The following FLG variants were observed in gnomAD, a reference collection of about 807,000 sequenced individuals.
The protein encoded by FLG is epidermal filaggrin.
A neutral mutation model predicts 3.8 loss-of-function variants in FLG; 6 were observed. That is an observed-to-expected ratio of 1.60 (90% CI 0.87 to 3.15). The LOEUF (loss-of-function observed/expected upper bound fraction) is 3.15. FLG is among the 30% of genes most tolerant of loss of function. The pLI, the probability that FLG is intolerant of heterozygous loss-of-function variation, is 0.00. For synonymous variants in FLG, 2,551 were observed against 1,931.6 expected (o/e 1.32, Z -8.41); for missense variants, 7,595 against 5,050.9 (o/e 1.50, Z -15.27).
In FLG at chr1:152,315,541, A is replaced by G. The variant is rs373513224; in HGVS notation, c.-21-64T>C. 14 of 1,282,818 alleles carry G rather than the reference A, an allele frequency of 1.1e-5. No homozygotes were observed. In the African/African-American group the frequency reaches 1.2e-4, roughly 11 times the overall value. 79.5% of individuals were successfully genotyped at this position (1,282,818 alleles called of 1,614,324 possible). On this transcript the variant is annotated intron_variant, in intron 1 of 2. Transcript: ENST00000368799. The stretch of plus-strand genomic sequence containing the variant: ...TTTTTTTCTAGGTTATATTATTACA[A>G]TCATTTTCCACATTTTAAACCTACA...
chr1:152,318,980 G>A (rs906269784), intron 1 of FLG, among the ~76,000 whole-genome samples: 13 of 151,696 alleles, frequency 8.6e-5, no homozygotes, highest in Non-Finnish European at 1.5e-4. Context: ...TAAGAAGGAA[G>A]TAGCCTTGTT....
In FLG at chr1:152,312,197, G is replaced by A. The variant is rs76586335; in HGVS notation, c.2689C>T (p.Arg897Cys). 2.4e-3 allele frequency: 3,850 copies of A among 1,613,424 alleles called. 55 individuals carry two copies. In the African/African-American group the frequency reaches 0.04, roughly 17 times the overall value. Residue 897 changes from arginine to cysteine, a missense_variant, in exon 3 of 3, where the codon CGT becomes TGT. Physicochemically the swap from Arg to Cys is radical, Grantham distance 180 (BLOSUM62 -3). Coordinates refer to ENST00000368799, the MANE Select transcript of FLG (RefSeq NM_002016.2). The part of the protein sequence containing the change: ...SGSRSASRTT[R>C]NEEQSRDGSR... The stretch of plus-strand genomic sequence containing the variant: ...CCGTCTCTTGATTGTTCCTCATTAC[G>A]TGTTGTTCTGCTTGCACTTCTGGAT...
rs200198610 is a variant in FLG, at chr1:152,312,448, C to G, written c.2438G>C (p.Ser813Thr). The G allele has an allele frequency of 1.5e-5, 25 of 1,613,580 alleles. No homozygotes were observed. Among genetic ancestry groups the G allele is most frequent in the Admixed American group, 5.0e-5 (3 of 59,972 alleles). Residue 813 changes from serine (S) to threonine (T), a missense_variant, in exon 3 of 3, where the codon AGC becomes ACC. Physicochemically the swap from Ser to Thr is moderately conservative, Grantham distance 58 (BLOSUM62 1). Transcript: ENST00000368799. ...GTGGGATCCTTGTCTTACTCCAGTG[C>G]TGGGCCCTGTCCATCCATGGGAGGA... Reference protein sequence around the residue: ...SESSHGWTGPSTGVRQGSHHE... With the variant: ...SESSHGWTGPTTGVRQGSHHE...
At chr1:152,317,703 C>G (rs1652833117) in intron 1 of FLG, among the ~76,000 whole-genome samples, 1 of 152,080 alleles carries the variant, frequency 6.6e-6, no homozygotes, top group Admixed American at 6.6e-5. Context: ...TGGCAACTCA[C>G]AAGTTTATAC....
chr1:152,311,346 G>A lies in FLG; in HGVS notation c.3540C>T (p.His1180=), dbSNP rs780762559. 141 of 1,613,738 alleles carry A rather than the reference G, an allele frequency of 8.7e-5. 1 individual carries two copies. The Admixed American group carries it at 1.9e-3, about 22-fold the overall frequency. The part of the protein sequence containing the change: ...GSRRGGRQGS[H]HEQSVDRSGH... The stretch of plus-strand genomic sequence containing the variant: ...CAGATCTATCTACCGATTGCTCATG[G>A]TGGGATCCCTGCCTTCCTCCTCTCC... Residue 1180 remains histidine, a synonymous_variant, in exon 3 of 3, where the codon CAC becomes CAT. Transcript: ENST00000368799.
At chr1:152,318,640 G>A (rs1459468763) in intron 1 of FLG, among the ~76,000 whole-genome samples, 1 of 151,798 alleles carries the variant, frequency 6.6e-6, no homozygotes, top group East Asian at 1.9e-4. Flanking sequence ...TCTATCTGAT[G>A]ACTTCAAAAT....
In FLG at chr1:152,313,064, A is replaced by T. The variant is rs369593616; in HGVS notation, c.1822T>A (p.Ser608Thr). 3 of 1,613,536 alleles carry T rather than the reference A, an allele frequency of 1.9e-6. No homozygotes were observed. The highest frequency in any genetic ancestry group is 2.7e-5 in the African/African-American group (2 of 74,644). ...TTCCTACTTGTCCTGGGCCCCGATG[A>T]TTGTCCCTGGCCCACCTGTGAGTGT... ...SRHSQVGQGQ[S>T]SGPRTSRNQG... is the part of the protein sequence containing the mutation. The change falls in exon 3 of 3, where the codon TCA (serine) becomes ACA (threonine). Residue 608 changes from serine (S) to threonine (T), a missense_variant. Ser to Thr is a moderately conservative substitution (Grantham distance 58, BLOSUM62 1). Transcript: ENST00000368799.
chr1:152,311,931 G>C lies in FLG; in HGVS notation c.2955C>G (p.Pro985=). 1 of 1,614,044 alleles carries C rather than the reference G, an allele frequency of 6.2e-7. No individual in the cohort carries two copies. Among genetic ancestry groups the C allele is most frequent in the Non-Finnish European group, 8.5e-7 (1 of 1,179,984 alleles). ...CGGCTCTGTCTTCGTGATGGGACCT[G>C]GGGTGTCTGGAGCCATGTCTTGACT... is the stretch of plus-strand genomic sequence containing the variant. ...QEQSRHGSRH[P]RSHHEDRAGH... is the part of the protein sequence containing the mutation. The change falls in exon 3 of 3, where the codon CCC becomes CCG. Residue 985 remains proline, a synonymous_variant. Transcript: ENST00000368799.
Position 152,312,971 on chromosome 1 carries a change from C to T in FLG, c.1915G>A (p.Gly639Arg). The change falls in exon 3 of 3, where the codon GGG becomes AGG. Residue 639 changes from glycine (G) to arginine (R), a missense_variant. By Grantham distance (125) the Gly-to-Arg change is moderately radical. Coordinates refer to ENST00000368799, the MANE Select transcript of FLG (RefSeq NM_002016.2). ...CCATGATGGTTTCTGGAAGCAGACCCAGACCACCTCTCAGAGTCTTCTGAG... is the reference window on the plus strand; with the variant it reads ...CCATGATGGTTTCTGGAAGCAGACCTAGACCACCTCTCAGAGTCTTCTGAG... Reference protein sequence around the residue: ...GHSEDSERWSGSASRNHHGSA... With the variant: ...GHSEDSERWSRSASRNHHGSA... 6.2e-7 allele frequency: 1 copy of T among 1,613,982 alleles called. No homozygotes were observed. The highest frequency in any genetic ancestry group is 8.5e-7 in the Non-Finnish European group (1 of 1,180,022).
chr1:152,311,864 G>T lies in FLG; in HGVS notation c.3022C>A (p.Pro1008Thr). 1 of 1,614,132 alleles carries T rather than the reference G, an allele frequency of 6.2e-7. No homozygotes were observed. Among genetic ancestry groups the T allele is most frequent in the Non-Finnish European group, 8.5e-7 (1 of 1,179,998 alleles). Reference protein sequence around the residue: ...SADSSRQSGTPHAETSSGGQA... With the variant: ...SADSSRQSGTTHAETSSGGQA... ...CCACCAGAGGAAGTCTCTGCGTGAGGAGTTCCTGATTGTCTGGAGCTGTCT... is the reference window on the plus strand; with the variant it reads ...CCACCAGAGGAAGTCTCTGCGTGAGTAGTTCCTGATTGTCTGGAGCTGTCT... Residue 1008 changes from proline (P) to threonine (T), a missense_variant, in exon 3 of 3, where the codon CCT (proline) becomes ACT (threonine). Coordinates refer to ENST00000368799, the MANE Select transcript of FLG (RefSeq NM_002016.2).
In FLG at chr1:152,309,348, G is replaced by C. The variant is rs752152951; in HGVS notation, c.5538C>G (p.Thr1846=). ...SGHSGSHHSH[T]TSQERSDVSR... is the part of the protein sequence containing the mutation. ...AGACATCAGACCTTTCCTGGGACGTGGTGTGGCTGTGATGAGACCCTGAGT... is the reference window on the plus strand; with the variant it reads ...AGACATCAGACCTTTCCTGGGACGTCGTGTGGCTGTGATGAGACCCTGAGT... The change falls in exon 3 of 3, where the codon ACC becomes ACG. Residue 1846 remains threonine, a synonymous_variant. Transcript: ENST00000368799. 6 of 1,613,824 alleles carry C rather than the reference G, an allele frequency of 3.7e-6. No homozygotes were observed. The South Asian group carries it at 6.6e-5, about 18-fold the overall frequency.
chr1:152,314,494 C>G lies in FLG; in HGVS notation c.392G>C (p.Arg131Thr). 6.2e-7 allele frequency: 1 copy of G among 1,613,206 alleles called. No homozygotes were observed. The highest frequency in any genetic ancestry group is 1.3e-5 in the African/African-American group (1 of 74,796). The change falls in exon 3 of 3, where the codon AGA becomes ACA. Residue 131 changes from arginine (R) to threonine (T), a missense_variant. Physicochemically the swap from Arg to Thr is moderately conservative, Grantham distance 71. Coordinates refer to ENST00000368799, the MANE Select transcript of FLG (RefSeq NM_002016.2). The part of the protein sequence containing the change: ...NRKRPSSLER[R>T]NNRKGNKGRS... ...TCCCTTATTCCCTTTTCTATTGTTT[C>G]TTCTTTCCAGACTTGAGGGTCTTTT...
At position 152,304,991 on chromosome 1, in the gene FLG, C is replaced by T. The variant is rs1383626477; in HGVS notation, c.9895G>A (p.Gly3299Arg). 5.6e-6 allele frequency: 9 copies of T among 1,613,738 alleles called. No homozygotes were observed. Among genetic ancestry groups the T allele is most frequent in the Admixed American group, 1.7e-5 (1 of 59,976 alleles). The change falls in exon 3 of 3, where the codon GGA (glycine) becomes AGA (arginine). Residue 3299 changes from glycine (G) to arginine (R), a missense_variant. By Grantham distance (125) the Gly-to-Arg change is moderately radical. Transcript: ENST00000368799. ...TGGTGGCGGGATCCGTGTCTCTCTC[C>T]TGGACTTGATCTTGCCTGTTCATGG... ...SSHEQARSSP[G>R]ERHGSRHQQS...
rs1242241115 is a variant in FLG at position 152,311,019 on chromosome 1, A to C, written c.3867T>G (p.Ser1289=). The C allele has an allele frequency of 3.1e-6, 5 of 1,613,822 alleles. No homozygotes were observed. The highest frequency in any genetic ancestry group is 1.1e-5 in the South Asian group (1 of 91,042). The change falls in exon 3 of 3, where the codon TCT becomes TCG. Residue 1289 remains serine (S), a synonymous_variant. Transcript: ENST00000368799. ...HSDDSERLSG[S]ASRNHHGSSR... ...AAGATCCATGATGGTTTCTGGAAGC[A>C]GACCCAGACAACCTCTCGGAGTCGT...
intron 1 of FLG, among the ~76,000 whole-genome samples, chr1:152,322,488 TAAGAA>T (rs1325226429): frequency 6.6e-6 from 1 of 150,522 alleles, no homozygotes; most frequent in Non-Finnish European, 1.5e-5. Context: ...GAAAATGAAA[TAAGAA>T]AAGATGCTAT....
chr1:152,312,057 T>A lies in FLG; in HGVS notation c.2829A>T (p.Gly943=). 6.2e-7 allele frequency: 1 copy of A among 1,614,070 alleles called. No individual in the cohort carries two copies. Among genetic ancestry groups the A allele is most frequent in the Non-Finnish European group, 8.5e-7 (1 of 1,180,000 alleles). The change falls in exon 3 of 3, where the codon GGA becomes GGT. Residue 943 remains glycine (G), a synonymous_variant. Transcript: ENST00000368799. ...TGTCACTGTCCTGGCTAACACTGGA[T>A]CCCTGGCGCCTGCTTGTCCTGGACC... ...SEGSRTSRRQ[G]SSVSQDSDSE... is the part of the protein sequence containing the mutation.
chr1:152,304,397 C>G lies in FLG; in HGVS notation c.10489G>C (p.Asp3497His), dbSNP rs200955772. 1.0e-4 allele frequency: 164 copies of G among 1,611,700 alleles called. 5 individuals are homozygous for G. The highest frequency in any genetic ancestry group is 3.3e-5 in the South Asian group (3 of 90,522). ...TGCGACCATGAGTGCCTGGAGCCAT[C>G]TCCTGATTGTTCGTCATTACGAGTT... is the stretch of plus-strand genomic sequence containing the variant. Reference protein sequence around the residue: ...RQTRNDEQSGDGSRHSWSHHH... With the variant: ...RQTRNDEQSGHGSRHSWSHHH... Residue 3497 changes from aspartate to histidine, a missense_variant, in exon 3 of 3, where the codon GAT becomes CAT. Transcript: ENST00000368799.
In FLG at chr1:152,309,376, C is replaced by T. The variant is rs1191355300; in HGVS notation, c.5510G>A (p.Gly1837Glu). 2.5e-6 allele frequency: 4 copies of T among 1,613,728 alleles called. No individual in the cohort carries two copies. Among genetic ancestry groups the T allele is most frequent in the Admixed American group, 3.3e-5 (2 of 59,968 alleles). The change falls in exon 3 of 3, where the codon GGA (glycine) becomes GAA (glutamate). Residue 1837 changes from glycine to glutamate, a missense_variant. Transcript: ENST00000368799. ...GTGGCTGTGATGAGACCCTGAGTGT[C>T]CAGAACTATCTACCGATTGCTCATA... The part of the protein sequence containing the change: ...SHYEQSVDSS[G>E]HSGSHHSHTT...
chr1:152,309,046 C>G lies in FLG; in HGVS notation c.5840G>C (p.Trp1947Ser), dbSNP rs560912365. The change falls in exon 3 of 3, where the codon TGG becomes TCG. Residue 1947 changes from tryptophan (W) to serine (S), a missense_variant. By Grantham distance (177) the Trp-to-Ser change is radical. Coordinates refer to ENST00000368799, the MANE Select transcript of FLG (RefSeq NM_002016.2). Reference protein sequence around the residue: ...SASRNHLGSAWEQSRDGSRHP... With the variant: ...SASRNHLGSASEQSRDGSRHP... ...TCTGGAGCCATCTCTTGACTGCTCC[C>G]AAGCAGATCCAAGATGGTTTCTGGA... 1.9e-6 allele frequency: 3 copies of G among 1,613,940 alleles called. No homozygotes were observed. Among genetic ancestry groups the G allele is most frequent in the Admixed American group, 1.7e-5 (1 of 60,024 alleles).
Sources: gnomAD v4.1 joint callset for allele counts (sites outside exome capture counted in the v4.1 genomes callset) on GRCh38, gnomAD v4.1.1 for gene constraint, MANE v1.5 for transcripts, NCBI Gene and HGNC (gene_info 2026-07-23, HGNC 2026-07-21) for gene names.